Variants in PPP1R16A observed in about 807,000 individuals in gnomAD.
PPP1R16A encodes the protein myosin phosphatase-targeting subunit 3.
A neutral mutation model predicts 46.6 loss-of-function variants in PPP1R16A; 39 were observed. The observed-to-expected ratio is 0.84, with a 90% CI of 0.65 to 1.09. The LOEUF (loss-of-function observed/expected upper bound fraction) is 1.09, where lower values mean the gene tolerates loss of function less well. Ranked by LOEUF, PPP1R16A falls within the 50% of genes least tolerant of loss-of-function variation. The pLI is 0.00. For missense variants in PPP1R16A, 798 were observed against 735.6 expected, an observed-to-expected ratio of 1.08 and a Z score of -0.98; for synonymous variants, 413 against 321.5, an observed-to-expected ratio of 1.28 and a Z score of -3.04.
At position 144,501,215 on chromosome 8, in the gene PPP1R16A, C is replaced by A. The variant is rs1160825220; in HGVS notation, c.1124C>A (p.Pro375Gln). 1 of 1,608,332 alleles carries A rather than the reference C, an allele frequency of 6.2e-7. No individual in the cohort carries two copies. Among genetic ancestry groups the A allele is most frequent in the African/African-American group, 1.3e-5 (1 of 75,008 alleles). ...CAGGAGGCCATCGTGTGGCAACAGC[C>A]GCCGCCCACCAGCCCGGAGCCGCCC... ...HAQEAIVWQQ[P>Q]PPTSPEPPED... The change falls in exon 11 of 12, where the codon CCG becomes CAG. Residue 375 changes from proline to glutamine, a missense_variant. Coordinates refer to ENST00000435887, the MANE Select transcript of PPP1R16A (RefSeq NM_001329443.2).
rs936803285 is a variant in PPP1R16A at position 144,487,597 on chromosome 8, T to A, written c.-913-2437T>A. On this transcript the variant is annotated intron_variant, in intron 1 of 11. Coordinates refer to ENST00000435887, the MANE Select transcript of PPP1R16A (RefSeq NM_001329443.2). Reference sequence around the variant, plus strand: ...TTTGCCTAGGCTGGCCTTGAATCCCTGGGCTCAAGTGATCCTCCTGCCTCG... The same window carrying A: ...TTTGCCTAGGCTGGCCTTGAATCCCAGGGCTCAAGTGATCCTCCTGCCTCG... 7.2e-5 allele frequency among the ~76,000 whole-genome samples: 11 copies of A among 152,228 alleles called. 1 individual carries two copies. Among genetic ancestry groups the A allele is most frequent in the Admixed American group, 6.5e-5 (1 of 15,276 alleles).
rs1826541378 is a variant in PPP1R16A at position 144,501,991 on chromosome 8, C to T, written c.*88C>T. 1 of 1,345,222 alleles carries T rather than the reference C, an allele frequency of 7.4e-7. No homozygotes were observed. Among genetic ancestry groups the T allele is most frequent in the Non-Finnish European group, 9.8e-7 (1 of 1,016,854 alleles). 83.3% of individuals were successfully genotyped at this position (1,345,222 alleles called of 1,614,324 possible). A position where few individuals can be genotyped will look rare whatever the true frequency, so the allele number is the denominator to read the frequency against. On this transcript the variant is annotated 3_prime_UTR_variant, in exon 12 of 12. Coordinates refer to ENST00000435887, the MANE Select transcript of PPP1R16A (RefSeq NM_001329443.2). ...GCGTGCCCTGGTGCTGCGGGTGCAG[C>T]ACGGAAACCCCGGCTTCTACTGTAC...
chr8:144,495,959 G>A (rs536613016), intron 2 of PPP1R16A: 2 of 152,718 alleles, frequency 1.3e-5, no homozygotes, highest in East Asian at 3.8e-4. Context: ...TCAAGGAAGA[G>A]GTCTAGAGAC....
intron 1 of PPP1R16A, among the ~76,000 whole-genome samples, chr8:144,484,927 C>T (rs2130220176): frequency 6.6e-6 from 1 of 152,272 alleles, no homozygotes; most frequent in South Asian, 2.1e-4. Flanking sequence ...TCATATGGTT[C>T]TGCTGCTGGG....
At position 144,498,789 on chromosome 8, in the gene PPP1R16A, T is replaced by C. The variant is rs1264540888; in HGVS notation, c.279T>C (p.Ser93=). Residue 93 remains serine (S), a synonymous_variant, in exon 4 of 12, where the codon AGT becomes AGC. Transcript: ENST00000435887. ...DLEEVRQFLG[S]GVSPDLANED... ...TTGCAGTCCGCCAGTTCCTTGGGAG[T>C]GGGGTCAGCCCTGACTTGGCCAACG... The C allele has an allele frequency of 6.3e-7, 1 of 1,591,586 alleles. No individual in the cohort carries two copies. The highest frequency in any genetic ancestry group is 1.3e-5 in the African/African-American group (1 of 74,666).
intron 10 of PPP1R16A, 73 bp downstream of exon 10, chr8:144,501,044 C>T (rs1310232973): frequency 2.5e-5 from 38 of 1,523,036 alleles, no homozygotes; most frequent in Middle Eastern, 1.8e-4. Context: ...GAGTGCCAGC[C>T]GAACTGGGGG....
Position 144,500,954 on chromosome 8 carries a change from C to A in PPP1R16A, c.1020C>A (p.Ser340=). ...RQRSLLRRRT[S]SAGSRGKVVR... is the part of the protein sequence containing the mutation. The stretch of plus-strand genomic sequence containing the variant: ...GCTCCTTGCTGCGCCGCCGCACCTC[C>A]AGCGCCGGCAGCCGCGGGTGAGCGC... The change falls in exon 10 of 12, where the codon TCC becomes TCA. Residue 340 remains serine (S), a synonymous_variant. Coordinates refer to ENST00000435887, the MANE Select transcript of PPP1R16A (RefSeq NM_001329443.2). 1 of 1,481,580 alleles carries A rather than the reference C, an allele frequency of 6.7e-7. No individual in the cohort carries two copies. The highest frequency in any genetic ancestry group is 8.9e-7 in the Non-Finnish European group (1 of 1,124,506). The allele number at this position is 1,481,580 out of a possible 1,614,324, so 91.8% of individuals were successfully genotyped here.
Position 144,500,065 on chromosome 8 carries a change from G to C in PPP1R16A, c.477-31G>C, listed in dbSNP as rs147165392. On this transcript the variant is annotated intron_variant, in intron 5 of 11. Coordinates refer to ENST00000435887, the MANE Select transcript of PPP1R16A (RefSeq NM_001329443.2). ...AGCCTGGCAAGCGGGGAAGGGCCTT[G>C]TGCCCAGCACCCCGTCCGTCTTCCC... The C allele has an allele frequency of 8.4e-4, 1,327 of 1,581,882 alleles. 17 individuals carry two copies. In the African/African-American group the frequency reaches 0.014, roughly 17 times the overall value.
intron 1 of PPP1R16A, 194 bp downstream of exon 1, chr8:144,478,321 G>A (rs1486319982): frequency 5.3e-6 from 2 of 379,248 alleles, no homozygotes; most frequent in Admixed American, 9.1e-5. Context: ...ACCGAAGGGA[G>A]AGAGGAGGCT....
At position 144,501,775 on chromosome 8, in the gene PPP1R16A, C is replaced by G; in HGVS notation, c.1459C>G (p.Pro487Ala). 6.4e-7 allele frequency: 1 copy of G among 1,563,632 alleles called. No individual in the cohort carries two copies. Among genetic ancestry groups the G allele is most frequent in the Non-Finnish European group, 8.7e-7 (1 of 1,154,956 alleles). The change falls in exon 12 of 12, where the codon CCT becomes GCT. Residue 487 changes from proline to alanine, a missense_variant. Physicochemically the swap from Pro to Ala is conservative, Grantham distance 27. Transcript: ENST00000435887. ...ESPETAEPGL[P>A]GDTVTPQPDC... ...CCCTGAGACAGCTGAGCCTGGCCTG[C>G]CTGGTGACACGGTGACCCCCCAGCC...
Position 144,496,927 on chromosome 8 carries a change from G to A in PPP1R16A, c.-268G>A, listed in dbSNP as rs1586753532. ...GACCCCGAGAGGGAGGCGAGGCGCT[G>A]CTTGTCGACAGCTAGAGGCTGGCCT... On this transcript the variant is annotated 5_prime_UTR_variant, in exon 3 of 12. Transcript: ENST00000435887. 1 of 574,736 alleles carries A rather than the reference G, an allele frequency of 1.7e-6. No individual in the cohort carries two copies. Among genetic ancestry groups the A allele is most frequent in the Non-Finnish European group, 3.1e-6 (1 of 321,290 alleles). The allele number at this position is 574,736 out of a possible 1,614,324, so 35.6% of individuals were successfully genotyped here.
chr8:144,478,087 C>T lies in PPP1R16A; in HGVS notation c.-954C>T, dbSNP rs977216466. ...CGCGGGGCCCACTGACCCGCGGAAG[C>T]CAGCGGACCCACTTGTGCGGCGGTC... On this transcript the variant is annotated 5_prime_UTR_variant, in exon 1 of 12. Transcript: ENST00000435887. 2 of 395,798 alleles carry T rather than the reference C, an allele frequency of 5.1e-6. No individual in the cohort carries two copies. The highest frequency in any genetic ancestry group is 8.9e-6 in the Non-Finnish European group (2 of 224,170). The allele number at this position is 395,798 out of a possible 1,614,324, so 24.5% of individuals were successfully genotyped here.
intron 11 of PPP1R16A, 45 bp downstream of exon 11, chr8:144,501,339 G>A (rs777224992): frequency 6.5e-7 from 1 of 1,531,900 alleles, no homozygotes; most frequent in African/African-American, 1.4e-5. Flanking sequence ...GGTGGGCCTG[G>A]CTCTGCCCTG....
chr8:144,492,254 C>T (rs1825839379), intron 2 of PPP1R16A, among the ~76,000 whole-genome samples: 1 of 152,160 alleles, frequency 6.6e-6, no homozygotes, highest in South Asian at 2.1e-4. Context: ...GGCTCCCCAG[C>T]ACTGTGAGTC....
chr8:144,483,843 G>A (rs190524417), intron 1 of PPP1R16A, among the ~76,000 whole-genome samples: 94 of 152,308 alleles, frequency 6.2e-4, no homozygotes, highest in African/African-American at 2.2e-3. Flanking sequence ...GGGATTATAG[G>A]CGTGAGCCAC....
chr8:144,496,846 A>T lies in PPP1R16A; in HGVS notation c.-349A>T, dbSNP rs1586753347. 2.4e-6 allele frequency: 1 copy of T among 412,924 alleles called. No homozygotes were observed. Among genetic ancestry groups the T allele is most frequent in the African/African-American group, 2.0e-5 (1 of 49,614 alleles). The allele number at this position is 412,924 out of a possible 1,614,324, so 25.6% of individuals were successfully genotyped here. A position where few individuals can be genotyped will look rare whatever the true frequency, so the allele number is the denominator to read the frequency against. ...TTGTTATCTGGGTAATTAGTTTCAG[A>T]CCCTGCACTGAGGCCGGCCAGGTCT... is the stretch of plus-strand genomic sequence containing the variant. On this transcript the variant is annotated 5_prime_UTR_variant, in exon 3 of 12. Coordinates refer to ENST00000435887, the MANE Select transcript of PPP1R16A (RefSeq NM_001329443.2).
At chr8:144,496,133 G>T (rs1392617140) in intron 2 of PPP1R16A, 1 of 152,240 alleles carries the variant, frequency 6.6e-6, no homozygotes, top group East Asian at 1.9e-4. Context: ...CCCAGCCTTA[G>T]GGCAGCGCCT....
chr8:144,501,078 G>T, intron 10 of PPP1R16A, 51 bp from the exon 11 acceptor site: 1 of 1,581,088 alleles, frequency 6.3e-7, no homozygotes. Context: ...GGTGGGCGGG[G>T]TCCTCCGGGC....
chr8:144,484,262 C>T (rs184652496), intron 1 of PPP1R16A, among the ~76,000 whole-genome samples: 4 of 152,350 alleles, frequency 2.6e-5, no homozygotes, highest in East Asian at 1.9e-4. Context: ...GTTACAGCGC[C>T]GACCCCTCTG....
Sources: allele counts gnomAD v4.1 joint callset (sites outside exome capture counted in the v4.1 genomes callset), GRCh38; gene constraint gnomAD v4.1.1; transcripts MANE v1.5; gene names NCBI Gene and HGNC (gene_info 2026-07-23, HGNC 2026-07-21).